ZNG1F: variants seen among roughly 807,000 people sequenced by gnomAD.
ZNG1F encodes Zn regulated GTPase metalloprotein activator 1F.
chr9:41,176,248 C>CTCCA, the ZNG1F span: 42 of 146,224 alleles, frequency 2.9e-4, 3 homozygotes, highest in African/African-American at 1.1e-3. Context: ...CTACCCCTAC[C>CTCCA]TCCAGTAAGA....
At chr9:41,138,093 A>T in the ZNG1F span, among the ~76,000 whole-genome samples, 2 of 139,422 alleles carry the variant, frequency 1.4e-5, no homozygotes, top group South Asian at 5.0e-4. Flanking sequence ...GTCCTGTGAT[A>T]TTTATGCTTT....
chr9:41,184,218 A>C, the ZNG1F span, among the ~76,000 whole-genome samples: 70,966 of 138,028 alleles, frequency 0.51, 20,049 homozygotes, highest in Non-Finnish European at 0.62. Context: ...GCGGGCGGAT[A>C]ACGAGGTCAG....
chr9:41,169,865 A>G, the ZNG1F span, among the ~76,000 whole-genome samples: 9 of 144,062 alleles, frequency 6.2e-5, no homozygotes, highest in East Asian at 2.0e-4. Flanking sequence ...GGGGGGTTAG[A>G]GAGAGAAACA....
At chr9:41,132,412 C>G in the ZNG1F span, 1 of 1,592,388 alleles carries the variant, frequency 6.3e-7, no homozygotes, top group Non-Finnish European at 8.6e-7. Context: ...AACTTAAAAG[C>G]AGAAATAGAG....
At chr9:41,192,936 C>T in the ZNG1F span, among the ~76,000 whole-genome samples, 5 of 151,902 alleles carry the variant, frequency 3.3e-5, no homozygotes, top group Non-Finnish European at 4.4e-5. Context: ...TATTTTGTCT[C>T]ATTTACTTTA....
the ZNG1F span, chr9:41,145,888 G>A: frequency 8.5e-6 from 1 of 117,304 alleles, no homozygotes; most frequent in African/African-American, 3.2e-5. Context: ...AAAATACATT[G>A]TTCTGATATG....
the ZNG1F span, among the ~76,000 whole-genome samples, chr9:41,183,365 C>A: frequency 8.5e-6 from 1 of 117,270 alleles, no homozygotes; most frequent in African/African-American, 3.4e-5. Context: ...ATAAAAGGAC[C>A]AAAACATTAG....
the ZNG1F span, chr9:41,165,137 C>T: frequency 0.014 from 20,360 of 1,453,320 alleles, 1,089 homozygotes; most frequent in South Asian, 0.066. Flanking sequence ...ATAATATACA[C>T]GCATGCAGAT....
the ZNG1F span, chr9:41,183,654 G>T: frequency 3.7e-6 from 6 of 1,605,018 alleles, no homozygotes; most frequent in African/African-American, 8.2e-5. Context: ...TTTCTCCAGC[G>T]CACTTCCTAG....
At chr9:41,176,254 TAAGAGGTTGTAGGGA>T in the ZNG1F span, 1 of 146,306 alleles carries the variant, frequency 6.8e-6, no homozygotes, top group Non-Finnish European at 1.5e-5. Flanking sequence ...CTACCTCCAG[TAAGAGGTTGTAGGGA>T]AATAGTTTAC....
At chr9:41,183,775 T>C in the ZNG1F span, 1 of 1,563,008 alleles carries the variant, frequency 6.4e-7, no homozygotes, top group Non-Finnish European at 8.7e-7. Flanking sequence ...GAAACTTATA[T>C]TTTATAACTT....
the ZNG1F span, among the ~76,000 whole-genome samples, chr9:41,155,267 C>G: frequency 6.6e-6 from 1 of 150,698 alleles, no homozygotes; most frequent in Admixed American, 6.7e-5. Flanking sequence ...CTCACCATCT[C>G]TGGCCATCAG....
chr9:41,200,718 T>G, the ZNG1F span, among the ~76,000 whole-genome samples: 4 of 152,220 alleles, frequency 2.6e-5, no homozygotes, highest in East Asian at 7.7e-4. Context: ...GACTTACGGT[T>G]CCACATGGCT....
the ZNG1F span, among the ~76,000 whole-genome samples, chr9:41,142,641 TAA>T: frequency 0.045 from 91 of 2,036 alleles, 1 homozygote; most frequent in African/African-American, 0.095. Context: ...CCATCTTTAC[TAA>T]AAAAAAAAAA....
the ZNG1F span, among the ~76,000 whole-genome samples, chr9:41,180,674 G>GTGTGCGTGTGCA: frequency 9.0e-6 from 1 of 111,038 alleles, no homozygotes; most frequent in Non-Finnish European, 1.9e-5. Context: ...GTGTGTGTGT[G>GTGTGCGTGTGCA]TGTGCGTGTG....
the ZNG1F span, among the ~76,000 whole-genome samples, chr9:41,169,113 T>C: frequency 6.7e-6 from 1 of 148,470 alleles, no homozygotes; most frequent in African/African-American, 2.5e-5. Context: ...TCCTCTTCTA[T>C]GCCCATAGGA....
chr9:41,193,910 C>A, the ZNG1F span, among the ~76,000 whole-genome samples: 1,463 of 147,382 alleles, frequency 9.9e-3, no homozygotes, highest in African/African-American at 0.011. Context: ...CTGATGTTAA[C>A]CAATCAGTTT....
chr9:41,174,024 C>G, the ZNG1F span, among the ~76,000 whole-genome samples: 10 of 148,628 alleles, frequency 6.7e-5, no homozygotes, highest in East Asian at 5.9e-4. Context: ...GGGTTCAAGA[C>G]CAGTCAGGCC....
the ZNG1F span, among the ~76,000 whole-genome samples, chr9:41,152,329 C>A: frequency 6.7e-6 from 1 of 149,318 alleles, no homozygotes; most frequent in Admixed American, 6.8e-5. Flanking sequence ...GCACCCAATA[C>A]AGGAGCACCC....
Sources: gnomAD v4.1 joint callset for allele counts (sites outside exome capture counted in the v4.1 genomes callset) on GRCh38, gnomAD v4.1.1 for gene constraint, MANE v1.5 for transcripts, NCBI Gene and HGNC (gene_info 2026-07-23, HGNC 2026-07-21) for gene names.